The following WASF2 variants were observed in gnomAD, a reference collection of about 807,000 sequenced individuals.
WASF2 encodes actin-binding protein WASF2.
A neutral mutation model predicts 45.0 loss-of-function variants in WASF2; 14 were observed. The observed-to-expected ratio is 0.31, with a 90% CI of 0.21 to 0.49. The LOEUF is 0.49. WASF2 is among the 20% of genes least tolerant of loss of function. The probability of loss-of-function intolerance (pLI) is 0.99; values close to 1 mark genes in which losing one functional copy is unlikely to be tolerated. For synonymous variants in WASF2, 200 were observed against 236.3 expected (o/e 0.85, Z 1.41); for missense variants, 439 against 636.1 (o/e 0.69, Z 3.33).
Position 27,405,148 on chromosome 1 carries a change from G to A in WASF2, c.*3041C>T, listed in dbSNP as rs1360232922. ...CACGGGAAGAGATTTCACATTAGCC[G>A]TGACAACACCGCCTCGGCTCTGCGT... On this transcript the variant is annotated 3_prime_UTR_variant, in exon 9 of 9. Coordinates refer to ENST00000618852, the MANE Select transcript of WASF2 (RefSeq NM_006990.5). 3.9e-5 allele frequency: 6 copies of A among 152,266 alleles called. No homozygotes were observed. Among genetic ancestry groups the A allele is most frequent in the Non-Finnish European group, 5.9e-5 (4 of 68,080 alleles). The allele number at this position is 152,266 out of a possible 1,614,324, so 9.4% of individuals were successfully genotyped here.
At chr1:27,422,197 T>C (rs1013290697) in intron 2 of WASF2, among the ~76,000 whole-genome samples, 4 of 151,990 alleles carry the variant, frequency 2.6e-5, no homozygotes, top group Non-Finnish European at 5.9e-5. Context: ...CATATAAAAC[T>C]GGTAACAATA....
chr1:27,452,546 G>C (rs1290903502), intron 1 of WASF2, among the ~76,000 whole-genome samples: 2 of 151,950 alleles, frequency 1.3e-5, no homozygotes, highest in Admixed American at 6.6e-5. Context: ...GCCAGACGCG[G>C]TGGCTCGTGC....
intron 1 of WASF2, among the ~76,000 whole-genome samples, chr1:27,462,989 T>C (rs1254061725): frequency 6.6e-6 from 1 of 151,932 alleles, no homozygotes; most frequent in African/African-American, 2.4e-5. Flanking sequence ...CTGGCTAATT[T>C]TAGTATTTTT....
At position 27,464,661 on chromosome 1, in the gene WASF2, C is replaced by T. The variant is rs568428834; in HGVS notation, c.-44+25325G>A. Among the ~76,000 whole-genome samples the T allele has an allele frequency of 1.5e-3, 226 of 152,284 alleles. 1 individual carries two copies. The highest frequency in any genetic ancestry group is 5.0e-3 in the African/African-American group (207 of 41,554). On this transcript the variant is annotated intron_variant, in intron 1 of 8. Transcript: ENST00000618852. Reference sequence around the variant, plus strand: ...ATCTGAGTGAGGTCCTGAGCTGATGCTACTGTTGAAGTAAAATGAACAATC... The same window carrying T: ...ATCTGAGTGAGGTCCTGAGCTGATGTTACTGTTGAAGTAAAATGAACAATC...
Position 27,407,536 on chromosome 1 carries a change from G to T in WASF2, c.*653C>A, listed in dbSNP as rs1300218453. On this transcript the variant is annotated 3_prime_UTR_variant, in exon 9 of 9. Transcript: ENST00000618852. ...TCACCAAAGGGATCCTGGGAGGGAGGCAACAACACCAGCCTACAGAAAGGC... is the reference window on the plus strand; with the variant it reads ...TCACCAAAGGGATCCTGGGAGGGAGTCAACAACACCAGCCTACAGAAAGGC... 6.5e-6 allele frequency: 1 copy of T among 152,694 alleles called. No individual in the cohort carries two copies. The highest frequency in any genetic ancestry group is 1.5e-5 in the Non-Finnish European group (1 of 68,118). 9.5% of individuals were successfully genotyped at this position (152,694 alleles called of 1,614,324 possible). A position where few individuals can be genotyped will look rare whatever the true frequency, so the allele number is the denominator to read the frequency against.
chr1:27,435,857 T>A (rs1434235435), intron 1 of WASF2, among the ~76,000 whole-genome samples: 1 of 152,226 alleles, frequency 6.6e-6, no homozygotes, highest in African/African-American at 2.4e-5. Flanking sequence ...AGGTCACTGA[T>A]AACACCTGCA....
intron 1 of WASF2, among the ~76,000 whole-genome samples, chr1:27,487,044 C>A (rs2017938176): frequency 7.2e-6 from 1 of 139,304 alleles, no homozygotes; most frequent in South Asian, 2.4e-4. Flanking sequence ...TAATCTGTTA[C>A]ATATATTATA....
Position 27,490,055 on chromosome 1 carries a change from C to G in WASF2, c.-113G>C, listed in dbSNP as rs1180313650. ...CCGCCCAGTCTCCGCACAGAGTGTG[C>G]TCCCGCGGACCGCCTCGCGGGCTGC... On this transcript the variant is annotated 5_prime_UTR_variant, in exon 1 of 9. Coordinates refer to ENST00000618852, the MANE Select transcript of WASF2 (RefSeq NM_006990.5). 6.6e-6 allele frequency: 1 copy of G among 152,276 alleles called. No individual in the cohort carries two copies. Among genetic ancestry groups the G allele is most frequent in the African/African-American group, 2.4e-5 (1 of 41,456 alleles). The allele number at this position is 152,276 out of a possible 1,614,324, so 9.4% of individuals were successfully genotyped here. A position where few individuals can be genotyped will look rare whatever the true frequency, so the allele number is the denominator to read the frequency against.
At chr1:27,482,088 T>C (rs1449111416) in intron 1 of WASF2, among the ~76,000 whole-genome samples, 1 of 152,232 alleles carries the variant, frequency 6.6e-6, no homozygotes, top group Non-Finnish European at 1.5e-5. Context: ...TATTCATAAC[T>C]ATACATTTGA....
chr1:27,417,969 C>T lies in WASF2; in HGVS notation c.419+300G>A, dbSNP rs2016848789. ...TTTTGGTTCTATAATAACTAAATTCCTTGGATGGAATCCAAGATGGACCTG... is the reference window on the plus strand; with the variant it reads ...TTTTGGTTCTATAATAACTAAATTCTTTGGATGGAATCCAAGATGGACCTG... On this transcript the variant is annotated intron_variant, in intron 4 of 8. Coordinates refer to ENST00000618852, the MANE Select transcript of WASF2 (RefSeq NM_006990.5). 2.6e-5 allele frequency among the ~76,000 whole-genome samples: 4 copies of T among 152,146 alleles called. No homozygotes were observed. In the South Asian group the frequency reaches 8.3e-4, roughly 31 times the overall value.
chr1:27,420,366 G>A (rs764599737), intron 2 of WASF2, among the ~76,000 whole-genome samples: 10 of 152,028 alleles, frequency 6.6e-5, no homozygotes, highest in East Asian at 3.8e-4. Flanking sequence ...GAAAAGTTCC[G>A]TACTTTCAAC....
chr1:27,446,714 G>A (rs574235706), intron 1 of WASF2, among the ~76,000 whole-genome samples: 1 of 151,640 alleles, frequency 6.6e-6, no homozygotes, highest in East Asian at 1.9e-4. Context: ...CTGGGAGGTG[G>A]AGATTGCAGT....
intron 1 of WASF2, among the ~76,000 whole-genome samples, chr1:27,453,947 G>A (rs1279463834): frequency 6.6e-6 from 1 of 151,744 alleles, no homozygotes; most frequent in Non-Finnish European, 1.5e-5. Context: ...CTCTCCCAAA[G>A]CCATCTCCTT....
chr1:27,443,372 G>A (rs1345376747), intron 1 of WASF2, among the ~76,000 whole-genome samples: 4 of 151,052 alleles, frequency 2.6e-5, no homozygotes, highest in East Asian at 1.9e-4. Context: ...CCAGCACTTC[G>A]GGAGGCTGAG....
chr1:27,474,104 T>TC (rs1000131181), intron 1 of WASF2, among the ~76,000 whole-genome samples: 4 of 152,186 alleles, frequency 2.6e-5, no homozygotes, highest in African/African-American at 9.7e-5. Flanking sequence ...ACATTTTTTT[T>TC]CTCATCAACA....
chr1:27,409,721 C>T lies in WASF2; in HGVS notation c.1310G>A (p.Arg437His), dbSNP rs746405479. The T allele has an allele frequency of 8.0e-6, 12 of 1,505,352 alleles. No individual in the cohort carries two copies. The highest frequency in any genetic ancestry group is 1.4e-5 in the African/African-American group (1 of 71,450). The allele number at this position is 1,505,352 out of a possible 1,614,324, so 93.2% of individuals were successfully genotyped here. ...ACGGATGGCTGAAAGCAGGTCGCTA[C>T]GGGCATCGCTCACGGCAGGCAAGGA... is the stretch of plus-strand genomic sequence containing the variant. ...KSSLPAVSDA[R>H]SDLLSAIRQG... is the part of the protein sequence containing the mutation. The change falls in exon 8 of 9, where the codon CGT (arginine) becomes CAT (histidine). Residue 437 changes from arginine to histidine, a missense_variant. Around this residue, in one of 5 missense-constraint regions of WASF2, gnomAD observed 286 missense variants for 373.5 expected, o/e 0.77. Transcript: ENST00000618852.
chr1:27,462,840 A>T (rs1327099107), intron 1 of WASF2, among the ~76,000 whole-genome samples: 1 of 152,044 alleles, frequency 6.6e-6, no homozygotes. Flanking sequence ...TTATTATTTT[A>T]ATTTTTTTTT....
intron 1 of WASF2, among the ~76,000 whole-genome samples, chr1:27,487,699 T>A (rs1474774297): frequency 7.3e-4 from 84 of 114,774 alleles, no homozygotes; most frequent in Middle Eastern, 3.8e-3. Flanking sequence ...AATATATATT[T>A]TATACAATAT....
chr1:27,461,698 T>A (rs1195676915), intron 1 of WASF2, among the ~76,000 whole-genome samples: 1 of 151,856 alleles, frequency 6.6e-6, no homozygotes, highest in African/African-American at 2.4e-5. Context: ...ATGGTCTCGA[T>A]CTCCTGACCT....
Sources: allele counts gnomAD v4.1 joint callset (sites outside exome capture counted in the v4.1 genomes callset), GRCh38; gene constraint gnomAD v4.1.1; regional missense constraint gnomAD v4.1.1; transcripts MANE v1.5; gene names NCBI Gene and HGNC (gene_info 2026-07-23, HGNC 2026-07-21).